CDKL2: variants seen among roughly 807,000 people sequenced by gnomAD.
The protein encoded by CDKL2 is cyclin-dependent kinase-like 2.
CDKL2 carries 64 observed loss-of-function variants against 63.9 expected under a neutral mutation model. The observed-to-expected ratio is 1.00, with a 90% CI of 0.82 to 1.23. The LOEUF (loss-of-function observed/expected upper bound fraction) is 1.23, where lower values mean the gene tolerates loss of function less well. CDKL2 is among the 50% of genes most tolerant of loss of function. The probability of loss-of-function intolerance (pLI) is 0.00; values close to 1 mark genes in which losing one functional copy is unlikely to be tolerated. For synonymous variants in CDKL2, 211 were observed against 229.2 expected (o/e 0.92, Z 0.72); for missense variants, 656 against 668.0 (o/e 0.98, Z 0.20).
At chr4:75,590,320 A>G (rs116128088) in intron 12 of CDKL2, among the ~76,000 whole-genome samples, 2,159 of 152,356 alleles carry the variant, frequency 0.014, 27 homozygotes, top group Non-Finnish European at 0.022. Context: ...GAGATAAGGC[A>G]AAGCAATCAC....
chr4:75,589,895 T>C (rs1223462000), intron 12 of CDKL2, among the ~76,000 whole-genome samples: 1 of 151,140 alleles, frequency 6.6e-6, no homozygotes, highest in Admixed American at 6.6e-5. Context: ...GGTAGAAAGA[T>C]GGCTTAAGCC....
chr4:75,619,298 G>A (rs984672654), intron 2 of CDKL2, among the ~76,000 whole-genome samples: 2 of 152,062 alleles, frequency 1.3e-5, no homozygotes, highest in Non-Finnish European at 2.9e-5. Flanking sequence ...AGGGCTGAAG[G>A]AAAATACATA....
rs1729395131 is a variant in CDKL2 at position 75,605,641 on chromosome 4, GA to G, written c.543-8del. 2 of 1,588,852 alleles carry G rather than the reference GA, an allele frequency of 1.3e-6. No individual in the cohort carries two copies. Among genetic ancestry groups the G allele is most frequent in the Non-Finnish European group, 1.7e-6 (2 of 1,157,292 alleles). ...GGCCCACACATCAACAGCCCTGAAAGAAAAGCAATGTGGTGTAAAATCTGGC... is the reference window on the plus strand; with the variant it reads ...GGCCCACACATCAACAGCCCTGAAAGAAAGCAATGTGGTGTAAAATCTGGC... On this transcript the variant is annotated splice_region_variant and splice_polypyrimidine_tract_variant and intron_variant, in intron 4 of 13. Coordinates refer to ENST00000307465, the MANE Select transcript of CDKL2 (RefSeq NM_001330724.2).
chr4:75,585,995 A>T (rs902181884), intron 12 of CDKL2, among the ~76,000 whole-genome samples: 1 of 152,180 alleles, frequency 6.6e-6, no homozygotes, highest in Non-Finnish European at 1.5e-5. Context: ...AAGGGAATGA[A>T]GTCAATCACC....
At chr4:75,625,428 C>T (rs1443123861) in intron 2 of CDKL2, among the ~76,000 whole-genome samples, 1 of 151,838 alleles carries the variant, frequency 6.6e-6, no homozygotes, top group Non-Finnish European at 1.5e-5. Flanking sequence ...CCAAGCTGTT[C>T]CTACAGGAAA....
At chr4:75,599,021 A>C (rs1055617780) in intron 7 of CDKL2, among the ~76,000 whole-genome samples, 1 of 152,188 alleles carries the variant, frequency 6.6e-6, no homozygotes, top group Non-Finnish European at 1.5e-5. Flanking sequence ...AGCTTCCCAA[A>C]ACTCACAAAA....
intron 12 of CDKL2, among the ~76,000 whole-genome samples, chr4:75,586,301 C>T (rs1324806620): frequency 6.6e-6 from 1 of 151,242 alleles, no homozygotes; most frequent in Non-Finnish European, 1.5e-5. Context: ...TCTTGGCTCA[C>T]TGCAAGCTCT....
chr4:75,607,297 C>G lies in CDKL2; in HGVS notation c.428G>C (p.Cys143Ser), dbSNP rs1392474666. Reference sequence around the variant, plus strand: ...CAATGTTCGCGCAAATCCAAAATCGCATAGCTTGACAACGCCAGACTGGGA... The same window carrying G: ...CAATGTTCGCGCAAATCCAAAATCGGATAGCTTGACAACGCCAGACTGGGA... ...LVSQSGVVKL[C>S]DFGFARTLAA... Residue 143 changes from cysteine to serine, a missense_variant, in exon 4 of 14, where the codon TGC becomes TCC. By Grantham distance (112) the Cys-to-Ser change is moderately radical (BLOSUM62 -1). Coordinates refer to ENST00000307465, the MANE Select transcript of CDKL2 (RefSeq NM_001330724.2). 1 of 1,614,124 alleles carries G rather than the reference C, an allele frequency of 6.2e-7. No individual in the cohort carries two copies. The highest frequency in any genetic ancestry group is 1.3e-5 in the African/African-American group (1 of 75,052).
chr4:75,607,455 G>T, intron 3 of CDKL2, 94 bp from the exon 4 acceptor site: 1 of 918,536 alleles, frequency 1.1e-6, no homozygotes, highest in South Asian at 2.5e-5. Flanking sequence ...TCCCTATAAA[G>T]AATACAAACA....
intron 10 of CDKL2, 64 bp from the exon 11 acceptor site, chr4:75,592,333 T>A: frequency 7.3e-7 from 1 of 1,368,314 alleles, no homozygotes; most frequent in South Asian, 1.6e-5. Context: ...CTTTCCTTCT[T>A]CTGTAACTCC....
chr4:75,586,954 G>C (rs1242262450), intron 12 of CDKL2, among the ~76,000 whole-genome samples: 1 of 152,078 alleles, frequency 6.6e-6, no homozygotes, highest in Admixed American at 6.5e-5. Flanking sequence ...CTCAAAGTAA[G>C]TAAAAGGGGA....
Position 75,607,261 on chromosome 4 carries a change from C to T in CDKL2, c.464G>A (p.Gly155Glu), listed in dbSNP as rs780996588. 1 of 1,614,086 alleles carries T rather than the reference C, an allele frequency of 6.2e-7. No homozygotes were observed. The highest frequency in any genetic ancestry group is 1.7e-5 in the Admixed American group (1 of 60,004). Residue 155 changes from glycine (G) to glutamate (E), a missense_variant, in exon 4 of 14, where the codon GGG (glycine) becomes GAG (glutamate). Gly to Glu is a moderately conservative substitution (Grantham distance 98). Coordinates refer to ENST00000307465, the MANE Select transcript of CDKL2 (RefSeq NM_001330724.2). The part of the protein sequence containing the change: ...FGFARTLAAP[G>E]EVYTDYVATR... ...TGCCACATAATCAGTATAAACCTCCCCAGGAGCTGCCAATGTTCGCGCAAA... is the reference window on the plus strand; with the variant it reads ...TGCCACATAATCAGTATAAACCTCCTCAGGAGCTGCCAATGTTCGCGCAAA...
At chr4:75,597,615 G>T (rs1032036098) in intron 8 of CDKL2, among the ~76,000 whole-genome samples, 1 of 152,218 alleles carries the variant, frequency 6.6e-6, no homozygotes, top group Non-Finnish European at 1.5e-5. Context: ...GTGGATTGGT[G>T]GTGGATTTGA....
At chr4:75,588,060 C>T (rs1351229827) in intron 12 of CDKL2, among the ~76,000 whole-genome samples, 5 of 149,986 alleles carry the variant, frequency 3.3e-5, no homozygotes, top group Non-Finnish European at 7.4e-5. Context: ...ACTAAAAATA[C>T]AAAATTAGCC....
At chr4:75,628,963 A>G (rs997463973) in intron 1 of CDKL2, among the ~76,000 whole-genome samples, 1 of 152,218 alleles carries the variant, frequency 6.6e-6, no homozygotes, top group African/African-American at 2.4e-5. Flanking sequence ...ACCAGTTTTC[A>G]TAGTAGATTC....
intron 10 of CDKL2, among the ~76,000 whole-genome samples, chr4:75,594,877 G>C (rs1200112170): frequency 5.3e-5 from 8 of 152,144 alleles, no homozygotes; most frequent in Non-Finnish European, 1.0e-4. Flanking sequence ...TAGAGGGTTG[G>C]TTGGAGTCAA....
intron 12 of CDKL2, among the ~76,000 whole-genome samples, chr4:75,588,652 G>C (rs779165774): frequency 1.6e-4 from 24 of 152,176 alleles, no homozygotes; most frequent in Non-Finnish European, 2.4e-4. Flanking sequence ...CACAGTAAAT[G>C]TGTATGTATA....
intron 4 of CDKL2, among the ~76,000 whole-genome samples, 198 bp downstream of exon 4, chr4:75,606,985 C>T (rs989816377): frequency 1.3e-5 from 2 of 152,138 alleles, no homozygotes; most frequent in African/African-American, 4.8e-5. Context: ...ATTTCCCCAC[C>T]TCTAAAATAA....
intron 12 of CDKL2, among the ~76,000 whole-genome samples, chr4:75,584,648 G>A (rs1025001003): frequency 4.6e-5 from 7 of 152,098 alleles, no homozygotes; most frequent in Admixed American, 1.3e-4. Flanking sequence ...ATAGTACCAA[G>A]CCCTAAATAT....
Sources: gnomAD v4.1 joint callset for allele counts (sites outside exome capture counted in the v4.1 genomes callset) on GRCh38, gnomAD v4.1.1 for gene constraint, MANE v1.5 for transcripts, NCBI Gene and HGNC (gene_info 2026-07-23, HGNC 2026-07-21) for gene names.